ANKAR: variants seen among roughly 807,000 people sequenced by gnomAD.
The protein encoded by ANKAR is ankyrin and armadillo repeat containing.
In ANKAR, 136 loss-of-function variants were observed where a neutral mutation model predicts 146.2. That is an observed-to-expected ratio of 0.93 (90% CI 0.81 to 1.07). The LOEUF is 1.07. Ranked by LOEUF, ANKAR falls within the 50% of genes least tolerant of loss-of-function variation. ANKAR has a pLI of 0.00. For synonymous variants in ANKAR, 500 were observed against 575.8 expected, an observed-to-expected ratio of 0.87 and a Z score of 1.88; for missense variants, 1,567 against 1,679.9, an observed-to-expected ratio of 0.93 and a Z score of 1.18.
At chr2:189,685,051 G>C (rs1454912067) in intron 2 of ANKAR, among the ~76,000 whole-genome samples, 1 of 151,690 alleles carries the variant, frequency 6.6e-6, no homozygotes, top group African/African-American at 2.4e-5. Context: ...TGTCACCCAG[G>C]CTTGAATGCA....
downstream of ANKAR, chr2:189,750,771 T>C: frequency 1.4e-6 from 1 of 693,826 alleles, no homozygotes; most frequent in Non-Finnish European, 2.3e-6. Flanking sequence ...TAATTCATCA[T>C]ATGTGGTGAT....
intron 18 of ANKAR, among the ~76,000 whole-genome samples, chr2:189,753,468 G>A (rs545061346): frequency 6.7e-4 from 102 of 152,092 alleles, no homozygotes; most frequent in African/African-American, 2.4e-3. Flanking sequence ...GATTTTGGCT[G>A]GTACAATATA....
chr2:189,749,640 G>A (rs1345656102), downstream of ANKAR, among the ~76,000 whole-genome samples: 3 of 151,900 alleles, frequency 2.0e-5, no homozygotes, highest in South Asian at 2.1e-4. Context: ...CAACTAAAGC[G>A]TACAATACAT....
chr2:189,746,330 A>G (rs964825508), intron 22 of ANKAR, 50 bp from the exon 23 acceptor site: 23 of 1,531,574 alleles, frequency 1.5e-5, no homozygotes, highest in Non-Finnish European at 1.9e-5. Flanking sequence ...AAGTAATGAG[A>G]CTATACCTAG....
chr2:189,702,592 C>A (rs1026151930), intron 7 of ANKAR, among the ~76,000 whole-genome samples: 1 of 152,114 alleles, frequency 6.6e-6, no homozygotes, highest in African/African-American at 2.4e-5. Flanking sequence ...CTGTTGATTT[C>A]TTTAGGGTTG....
Position 189,746,467 on chromosome 2 carries a change from T to A in ANKAR, c.4145T>A (p.Leu1382His). 6.2e-7 allele frequency: 1 copy of A among 1,613,828 alleles called. No individual in the cohort carries two copies. Among genetic ancestry groups the A allele is most frequent in the Non-Finnish European group, 8.5e-7 (1 of 1,179,890 alleles). ...CCTCCTGTAACTAACTTCATGGGAC[T>A]CTTCAAAGCAACAAAAAAGACCAAG... Reference protein sequence around the residue: ...LLPPVTNFMGLFKATKKTKDS... With the variant: ...LLPPVTNFMGHFKATKKTKDS... Residue 1382 changes from leucine (L) to histidine (H), a missense_variant, in exon 23 of 23, where the codon CTC becomes CAC. Coordinates refer to ENST00000684021, the MANE Select transcript of ANKAR (RefSeq NM_001378068.1).
At position 189,753,095 on chromosome 2, in the gene ANKAR, T is replaced by C. The variant is rs961375161; in HGVS notation, c.*585-8003T>C. ...AATAATAAACTATCCCATTTTGAGA[T>C]GGGTAATGGGCAGATGACATATCTA... On this transcript the variant is annotated intron_variant and NMD_transcript_variant, in intron 18 of 18. Coordinates refer to the ANKAR transcript ENST00000441800. 30 of 933,794 alleles carry C rather than the reference T, an allele frequency of 3.2e-5. No homozygotes were observed. The East Asian group carries it at 8.1e-4, about 25-fold the overall frequency. The allele number at this position is 933,794 out of a possible 1,614,324, so 57.8% of individuals were successfully genotyped here.
chr2:189,700,963 C>T (rs985514179), intron 7 of ANKAR, among the ~76,000 whole-genome samples: 2 of 152,096 alleles, frequency 1.3e-5, no homozygotes, highest in Non-Finnish European at 2.9e-5. Flanking sequence ...TAGGTTGCTT[C>T]CAAATCTTTG....
rs962012302 is a variant in ANKAR at position 189,728,352 on chromosome 2, C to G, written c.2963C>G (p.Ala988Gly). The G allele has an allele frequency of 6.2e-7, 1 of 1,613,298 alleles. No homozygotes were observed. Among genetic ancestry groups the G allele is most frequent in the Non-Finnish European group, 8.5e-7 (1 of 1,179,734 alleles). ...GQTLKQQKYM[A>G]EQIGYSFIIN... ...ACACTAAAACAACAAAAATATATGG[C>G]AGAACAAATTGGATACAGCTTTATA... Residue 988 changes from alanine to glycine, a missense_variant, in exon 14 of 23, where the codon GCA (alanine) becomes GGA (glycine). Ala to Gly is a moderately conservative substitution (Grantham distance 60). Coordinates refer to ENST00000684021, the MANE Select transcript of ANKAR (RefSeq NM_001378068.1).
chr2:189,734,765 A>G (rs1202250875), intron 17 of ANKAR, among the ~76,000 whole-genome samples: 1 of 152,068 alleles, frequency 6.6e-6, no homozygotes, highest in Non-Finnish European at 1.5e-5. Context: ...GGAGTTCGAG[A>G]CCAGCCTTGC....
intron 18 of ANKAR, among the ~76,000 whole-genome samples, chr2:189,752,253 G>A (rs374601416): frequency 4.6e-5 from 7 of 152,286 alleles, no homozygotes; most frequent in African/African-American, 1.7e-4. Context: ...TCAACTGCCT[G>A]TGTAAGAGCA....
intron 10 of ANKAR, among the ~76,000 whole-genome samples, chr2:189,715,322 T>C (rs2040299906): frequency 1.3e-5 from 2 of 152,026 alleles, no homozygotes; most frequent in Non-Finnish European, 2.9e-5. Flanking sequence ...CCTACACAAA[T>C]AAACCAGAAA....
intron 2 of ANKAR, among the ~76,000 whole-genome samples, chr2:189,684,549 G>T (rs2035234151): frequency 6.6e-6 from 1 of 151,994 alleles, no homozygotes; most frequent in Non-Finnish European, 1.5e-5. Context: ...AATTAAATGG[G>T]TAATAATAGA....
chr2:189,717,733 T>C (rs2040674338), intron 10 of ANKAR, among the ~76,000 whole-genome samples: 1 of 152,188 alleles, frequency 6.6e-6, no homozygotes, highest in Non-Finnish European at 1.5e-5. Flanking sequence ...GTGGCACAGA[T>C]ACACCATGGA....
intron 19 of ANKAR, among the ~76,000 whole-genome samples, chr2:189,740,538 T>C (rs1443180803): frequency 6.6e-6 from 1 of 152,240 alleles, no homozygotes; most frequent in Non-Finnish European, 1.5e-5. Context: ...TAGCTGCACA[T>C]TTAATTATTG....
Position 189,689,792 on chromosome 2 carries a change from G to A in ANKAR, c.867G>A (p.Gln289=), listed in dbSNP as rs766733381. The A allele has an allele frequency of 1.9e-6, 3 of 1,607,756 alleles. No individual in the cohort carries two copies. The highest frequency in any genetic ancestry group is 3.4e-5 in the Admixed American group (2 of 59,076). ...ATATCTGTACCTACCAGAGACTACA[G>A]CAAAGATTATATCTTCAAAAAAAGA... ...YLDICTYQRL[Q]QRLYLQKKII... Residue 289 remains glutamine (Q), a synonymous_variant, in exon 3 of 23, where the codon CAG becomes CAA. Coordinates refer to ENST00000684021, the MANE Select transcript of ANKAR (RefSeq NM_001378068.1).
At chr2:189,754,222 G>C in intron 18 of ANKAR, 1 of 1,613,856 alleles carries the variant, frequency 6.2e-7, no homozygotes, top group Non-Finnish European at 8.5e-7. Flanking sequence ...TTTTTAGCAT[G>C]ATGCAAGGGA....
intron 10 of ANKAR, among the ~76,000 whole-genome samples, chr2:189,712,556 AC>A (rs2039853155): frequency 6.6e-6 from 1 of 152,216 alleles, no homozygotes; most frequent in Non-Finnish European, 1.5e-5. Flanking sequence ...AAACTAACAA[AC>A]AGAAAGGAAT....
chr2:189,723,940 G>A (rs2041592886), intron 12 of ANKAR, among the ~76,000 whole-genome samples: 1 of 152,134 alleles, frequency 6.6e-6, no homozygotes, highest in African/African-American at 2.4e-5. Flanking sequence ...GTCCAAATGA[G>A]AAATAGACAG....
Sources: allele counts gnomAD v4.1 joint callset (sites outside exome capture counted in the v4.1 genomes callset), GRCh38; gene constraint gnomAD v4.1.1; transcripts MANE v1.5; gene names NCBI Gene and HGNC (gene_info 2026-07-23, HGNC 2026-07-21).